Variants in IQCM observed in about 807,000 individuals in gnomAD.
The protein encoded by IQCM is IQ motif containing M, also known as IQ domain-containing protein M.
IQCM carries 45 observed loss-of-function variants against 57.6 expected under a neutral mutation model. The ratio of observed to expected loss-of-function variants is 0.78; its 90% CI spans 0.62 to 1.00. The LOEUF (loss-of-function observed/expected upper bound fraction) is 1.00, where lower values mean the gene tolerates loss of function less well. Among genes scored for constraint, IQCM ranks in the 50% least tolerant of loss-of-function variants. The pLI is 0.00. For synonymous variants in IQCM, 148 were observed against 158.9 expected, an observed-to-expected ratio of 0.93 and a Z score of 0.51; for missense variants, 468 against 511.6, an observed-to-expected ratio of 0.91 and a Z score of 0.82.
chr4:149,608,496 G>T (rs931700884), intron 8 of IQCM, among the ~76,000 whole-genome samples: 1 of 151,710 alleles, frequency 6.6e-6, no homozygotes, highest in Non-Finnish European at 1.5e-5. Flanking sequence ...TATTCTCAAG[G>T]ATAAACTATA....
intron 13 of IQCM, among the ~76,000 whole-genome samples, chr4:149,416,850 G>T (rs1180641205): frequency 6.6e-6 from 1 of 152,106 alleles, no homozygotes; most frequent in East Asian, 1.9e-4. Context: ...AATGTGACTT[G>T]AACAAGAATG....
chr4:149,465,929 C>T (rs559293960), intron 12 of IQCM, among the ~76,000 whole-genome samples: 1 of 152,176 alleles, frequency 6.6e-6, no homozygotes, highest in East Asian at 1.9e-4. Context: ...GGATACACTG[C>T]AGAGGTGGCA....
At chr4:149,555,674 C>T (rs2149915098) in intron 10 of IQCM, among the ~76,000 whole-genome samples, 1 of 152,254 alleles carries the variant, frequency 6.6e-6, no homozygotes, top group Admixed American at 6.5e-5. Flanking sequence ...CATCTTTCTG[C>T]TTAAATCTAT....
At chr4:149,523,502 TA>T (rs1235745771) in intron 12 of IQCM, among the ~76,000 whole-genome samples, 2 of 152,052 alleles carry the variant, frequency 1.3e-5, no homozygotes, top group African/African-American at 4.8e-5. Context: ...TAAATATGTT[TA>T]TGGAAAGTCA....
At chr4:149,593,966 C>T (rs993684020) in intron 8 of IQCM, among the ~76,000 whole-genome samples, 4 of 152,128 alleles carry the variant, frequency 2.6e-5, no homozygotes, top group Non-Finnish European at 5.9e-5. Context: ...ATGATGCTGG[C>T]CTCATCAAAT....
intron 10 of IQCM, among the ~76,000 whole-genome samples, chr4:149,560,508 G>A (rs1349852153): frequency 6.6e-6 from 1 of 151,970 alleles, no homozygotes; most frequent in Non-Finnish European, 1.5e-5. Context: ...ATTACATCGA[G>A]GGACATACCC....
chr4:149,813,326 T>C (rs967735658), intron 2 of IQCM, among the ~76,000 whole-genome samples: 1 of 151,922 alleles, frequency 6.6e-6, no homozygotes, highest in African/African-American at 2.4e-5. Flanking sequence ...ATTGAACAAA[T>C]GTATCTAATG....
chr4:149,755,569 G>T (rs965662240), intron 2 of IQCM, among the ~76,000 whole-genome samples: 2 of 152,050 alleles, frequency 1.3e-5, no homozygotes, highest in Non-Finnish European at 2.9e-5. Context: ...CCTTCTCCAT[G>T]AGGCCTTCAC....
intron 12 of IQCM, among the ~76,000 whole-genome samples, chr4:149,449,214 C>A (rs1341528566): frequency 7.4e-6 from 1 of 134,878 alleles, no homozygotes; most frequent in Non-Finnish European, 1.6e-5. Context: ...ACCAATTTAA[C>A]AAGTATCTAT....
At chr4:149,445,018 T>C (rs1223574782) in intron 12 of IQCM, among the ~76,000 whole-genome samples, 1 of 151,970 alleles carries the variant, frequency 6.6e-6, no homozygotes, top group Non-Finnish European at 1.5e-5. Context: ...GAATCATGTC[T>C]AAAATAATGT....
intron 7 of IQCM, among the ~76,000 whole-genome samples, chr4:149,680,143 T>A (rs1225727855): frequency 6.6e-6 from 1 of 151,378 alleles, no homozygotes; most frequent in African/African-American, 2.4e-5. Flanking sequence ...CCTATTCTTA[T>A]CTGATTAAAG....
At chr4:149,668,043 C>G (rs1760895083) in intron 7 of IQCM, among the ~76,000 whole-genome samples, 1 of 152,134 alleles carries the variant, frequency 6.6e-6, no homozygotes, top group Non-Finnish European at 1.5e-5. Context: ...CCTAGCAAGA[C>G]AGGCCAACAT....
At chr4:149,807,226 GC>G (rs1774169885) in intron 2 of IQCM, among the ~76,000 whole-genome samples, 1 of 151,742 alleles carries the variant, frequency 6.6e-6, no homozygotes, top group Non-Finnish European at 1.5e-5. Context: ...AAAAAGCAAG[GC>G]TAGAAATATC....
At chr4:149,510,850 CACA>C (rs1164883131) in intron 12 of IQCM, among the ~76,000 whole-genome samples, 2 of 152,220 alleles carry the variant, frequency 1.3e-5, no homozygotes, top group Non-Finnish European at 2.9e-5. Context: ...CTGCTATCCA[CACA>C]ACATCACTGA....
intron 3 of IQCM, among the ~76,000 whole-genome samples, chr4:149,735,854 TA>T (rs1766887357): frequency 6.6e-6 from 1 of 151,948 alleles, no homozygotes; most frequent in African/African-American, 2.4e-5. Context: ...AACTGTAAAA[TA>T]AAATACCTCA....
At chr4:149,444,589 C>G (rs1427252522) in intron 12 of IQCM, among the ~76,000 whole-genome samples, 1 of 151,306 alleles carries the variant, frequency 6.6e-6, no homozygotes, top group African/African-American at 2.4e-5. Context: ...CATAGGATAA[C>G]AAGCTTAAAG....
chr4:149,672,989 T>G (rs1312496758), intron 7 of IQCM, among the ~76,000 whole-genome samples: 4 of 152,062 alleles, frequency 2.6e-5, no homozygotes, highest in Non-Finnish European at 5.9e-5. Context: ...TTAAATAAAA[T>G]AATTTTCAAC....
chr4:149,404,695 G>C (rs1560807941), intron 13 of IQCM, among the ~76,000 whole-genome samples: 1 of 152,026 alleles, frequency 6.6e-6, no homozygotes, highest in South Asian at 2.1e-4. Context: ...AGTGACCATA[G>C]ATAGGACAGC....
At chr4:149,368,435 T>C (rs1041578312) in intron 13 of IQCM, among the ~76,000 whole-genome samples, 1 of 151,942 alleles carries the variant, frequency 6.6e-6, no homozygotes, top group Non-Finnish European at 1.5e-5. Flanking sequence ...CTCCACATAC[T>C]CAGTACTCAT....
Sources: allele counts gnomAD v4.1 joint callset (sites outside exome capture counted in the v4.1 genomes callset), GRCh38; gene constraint gnomAD v4.1.1; transcripts MANE v1.5; gene names NCBI Gene and HGNC (gene_info 2026-07-23, HGNC 2026-07-21).